SHF: variants seen among roughly 807,000 people sequenced by gnomAD.
SHF encodes SH2 domain-containing adapter protein F.
Under a neutral mutation model 42.4 loss-of-function variants are expected in SHF, and 30 were observed. The ratio of observed to expected loss-of-function variants is 0.71; its 90% CI spans 0.53 to 0.96. The LOEUF (loss-of-function observed/expected upper bound fraction) is 0.96, where lower values mean the gene tolerates loss of function less well. SHF is among the 40% of genes least tolerant of loss of function. The probability of loss-of-function intolerance (pLI) is 0.00; values close to 1 mark genes in which losing one functional copy is unlikely to be tolerated. For synonymous variants in SHF, 264 were observed against 269.9 expected, an observed-to-expected ratio of 0.98 and a Z score of 0.21; for missense variants, 598 against 634.0, an observed-to-expected ratio of 0.94 and a Z score of 0.61.
Position 45,187,808 on chromosome 15 carries a change from G to T in SHF, c.144C>A (p.Ala48=). The T allele has an allele frequency of 2.3e-6, 2 of 878,298 alleles. No individual in the cohort carries two copies. Among genetic ancestry groups the T allele is most frequent in the South Asian group, 5.3e-5 (1 of 18,840 alleles). 54.4% of individuals were successfully genotyped at this position (878,298 alleles called of 1,614,324 possible). The part of the protein sequence containing the change: ...GPGGGGSGGV[A]KWLREHLGFR... The stretch of plus-strand genomic sequence containing the variant: ...AGCCCAGGTGCTCCCGGAGCCACTT[G>T]GCTACTCCGCCGCTGCCGCCCCCTC... Residue 48 remains alanine, a synonymous_variant, in exon 1 of 7, where the codon GCC becomes GCA. Coordinates refer to ENST00000690270, the MANE Select transcript of SHF (RefSeq NM_001394037.1).
At chr15:45,188,197 A>G (rs1898575230), upstream of SHF, among the ~76,000 whole-genome samples, 2 of 152,140 alleles carry the variant, frequency 1.3e-5, no homozygotes, top group African/African-American at 2.4e-5. Context: ...GGATGCGACT[A>G]CTGGACTGAG....
At chr15:45,187,977 A>G (rs1252572948), upstream of SHF, 2 of 986,234 alleles carry the variant, frequency 2.0e-6, no homozygotes, top group South Asian at 5.1e-5. Flanking sequence ...GAGCGAGGGG[A>G]GCGCAGCGGC....
chr15:45,198,683 A>C, intron 2 of SHF: 1 of 1,498,702 alleles, frequency 6.7e-7, no homozygotes, highest in Non-Finnish European at 8.9e-7. Flanking sequence ...ACGGCGAGCT[A>C]CCGGGGACCC....
rs1482557425 is a variant in SHF at position 45,167,305 on chromosome 15, G to T, written c.*642C>A. 6.6e-6 allele frequency: 1 copy of T among 152,456 alleles called. No homozygotes were observed. Among genetic ancestry groups the T allele is most frequent in the Non-Finnish European group, 1.5e-5 (1 of 68,264 alleles). The allele number at this position is 152,456 out of a possible 1,614,324, so 9.4% of individuals were successfully genotyped here. On this transcript the variant is annotated 3_prime_UTR_variant, in exon 7 of 7. Coordinates refer to ENST00000690270, the MANE Select transcript of SHF (RefSeq NM_001394037.1). The stretch of plus-strand genomic sequence containing the variant: ...CCGCTCCCTCCCCCGTCAGCCCGGG[G>T]ACGGCGCCGGAGGCGCGGGCGCGGC...
rs778845238 is a variant in SHF, at chr15:45,172,315, T to C, written c.992A>G (p.Gln331Arg). ...GCAGCTCTTCTCCGGTCCTTCAAAC[T>C]GGGCTGTGGGGAACATATCAATCAT... ...PEPSLEDSSAQFEGPEKSCLS... is the reference protein window; with the variant it reads ...PEPSLEDSSARFEGPEKSCLS... Residue 331 changes from glutamine (Q) to arginine (R), a missense_variant, in exon 5 of 7, where the codon CAG (glutamine) becomes CGG (arginine). By Grantham distance (43) the Gln-to-Arg change is conservative (BLOSUM62 1). This residue lies in a region of SHF where 439 missense variants were observed against 524.6 expected (regional missense o/e 0.84). Coordinates refer to ENST00000690270, the MANE Select transcript of SHF (RefSeq NM_001394037.1). 8 of 1,597,646 alleles carry C rather than the reference T, an allele frequency of 5.0e-6. No individual in the cohort carries two copies. The highest frequency in any genetic ancestry group is 2.2e-5 in the East Asian group (1 of 44,804).
intron 1 of SHF, chr15:45,200,460 G>C (rs1304413825): frequency 3.4e-5 from 11 of 324,622 alleles, no homozygotes; most frequent in South Asian, 2.3e-4. Context: ...ACAACGCAGA[G>C]TACTAACCAC....
chr15:45,188,221 C>A (rs988615629), upstream of SHF, among the ~76,000 whole-genome samples: 3 of 152,272 alleles, frequency 2.0e-5, no homozygotes, highest in East Asian at 5.8e-4. Flanking sequence ...GAATCCTTTA[C>A]GTGTCGCCAC....
intron 1 of SHF, among the ~76,000 whole-genome samples, chr15:45,182,826 A>G (rs1331639094): frequency 6.6e-6 from 1 of 152,210 alleles, no homozygotes; most frequent in African/African-American, 2.4e-5. Context: ...CAAACTTTTT[A>G]TACCCATTGT....
upstream of SHF, among the ~76,000 whole-genome samples, chr15:45,188,247 G>T (rs1387105832): frequency 6.6e-6 from 1 of 152,190 alleles, no homozygotes; most frequent in Non-Finnish European, 1.5e-5. Context: ...CCCCTGTGGG[G>T]AGCGCATCCA....
chr15:45,170,244 G>C, intron 6 of SHF: 1 of 747,248 alleles, frequency 1.3e-6, no homozygotes, highest in Non-Finnish European at 1.8e-6. Context: ...TTATTACCGG[G>C]TGGCCTTGGG....
intron 2 of SHF, among the ~76,000 whole-genome samples, chr15:45,193,768 C>A (rs1487748414): frequency 1.3e-5 from 2 of 151,888 alleles, no homozygotes; most frequent in Non-Finnish European, 2.9e-5. Context: ...AGGCGAGTGG[C>A]CTTATGCAGG....
rs145838450 is a variant in SHF, at chr15:45,172,312, A to T, written c.995T>A (p.Phe332Tyr). Residue 332 changes from phenylalanine to tyrosine, a missense_variant, in exon 5 of 7, where the codon TTT becomes TAT. Around this residue, in one of 2 missense-constraint regions of SHF, gnomAD observed 439 missense variants for 524.6 expected, o/e 0.84. Transcript: ENST00000690270. ...EPSLEDSSAQ[F>Y]EGPEKSCLSP... is the part of the protein sequence containing the mutation. ...CAGGCAGCTCTTCTCCGGTCCTTCAAACTGGGCTGTGGGGAACATATCAAT... is the reference window on the plus strand; with the variant it reads ...CAGGCAGCTCTTCTCCGGTCCTTCATACTGGGCTGTGGGGAACATATCAAT... The T allele has an allele frequency of 1.4e-5, 22 of 1,600,958 alleles. No homozygotes were observed. The highest frequency in any genetic ancestry group is 1.8e-5 in the Non-Finnish European group (21 of 1,173,366).
In SHF at chr15:45,187,928, C is replaced by T. The variant is rs1898550300; in HGVS notation, c.24G>A (p.Pro8=). 4 of 1,140,048 alleles carry T rather than the reference C, an allele frequency of 3.5e-6. No homozygotes were observed. The highest frequency in any genetic ancestry group is 4.3e-6 in the Non-Finnish European group (4 of 930,312). The allele number at this position is 1,140,048 out of a possible 1,614,324, so 70.6% of individuals were successfully genotyped here. ...TTCGCGGCCCCGGGCGGGAGCCAGCCGGAGGAGCTCCGCTCAGTAACATGG... is the reference window on the plus strand; with the variant it reads ...TTCGCGGCCCCGGGCGGGAGCCAGCTGGAGGAGCTCCGCTCAGTAACATGG... MLLSGAP[P]AGSRPGPRTQ... The change falls in exon 1 of 7, where the codon CCG becomes CCA. Residue 8 remains proline (P), a synonymous_variant. Coordinates refer to ENST00000690270, the MANE Select transcript of SHF (RefSeq NM_001394037.1).
chr15:45,175,234 A>G lies in SHF; in HGVS notation c.832T>C (p.Ser278Pro). 2 of 1,610,070 alleles carry G rather than the reference A, an allele frequency of 1.2e-6. No individual in the cohort carries two copies. Among genetic ancestry groups the G allele is most frequent in the Non-Finnish European group, 1.7e-6 (2 of 1,178,862 alleles). Residue 278 changes from serine (S) to proline (P), a missense_variant, in exon 3 of 7, where the codon TCC becomes CCC. Coordinates refer to ENST00000690270, the MANE Select transcript of SHF (RefSeq NM_001394037.1). ...QPWEWKKERI[S>P]KAFAVDIKVI... ...CAGGACTCACCTGCAAAGGCTTTGG[A>G]AATCCGCTCCTTCTTCCACTCCCAG...
chr15:45,180,469 C>G (rs971897722), intron 1 of SHF, among the ~76,000 whole-genome samples: 2 of 152,244 alleles, frequency 1.3e-5, no homozygotes, highest in Non-Finnish European at 2.9e-5. Context: ...TCAACCAACA[C>G]GTTATCCATA....
chr15:45,192,532 T>G (rs898094279), upstream of SHF, among the ~76,000 whole-genome samples: 1 of 151,966 alleles, frequency 6.6e-6, no homozygotes, highest in African/African-American at 2.4e-5. Context: ...CATGCCCGGC[T>G]GATTTTAATT....
intron 2 of SHF, among the ~76,000 whole-genome samples, chr15:45,195,085 G>GCC (rs1429982044): frequency 1.3e-5 from 2 of 151,992 alleles, no homozygotes; most frequent in Non-Finnish European, 2.9e-5. Context: ...TCCTGCCTCG[G>GCC]CCTCCCAAAG....
chr15:45,177,631 C>G (rs751243311), intron 2 of SHF, among the ~76,000 whole-genome samples: 1 of 152,116 alleles, frequency 6.6e-6, no homozygotes, highest in African/African-American at 2.4e-5. Flanking sequence ...GCCTCAGGGC[C>G]GTGGCTTGGA....
At chr15:45,189,389 C>CTTTTT (rs11309833), upstream of SHF, among the ~76,000 whole-genome samples, 1 of 46,812 alleles carries the variant, frequency 2.1e-5, no homozygotes, top group African/African-American at 8.2e-5. Context: ...TCATGTCTGC[C>CTTTTT]TTTTTTTTTT....
Sources: gnomAD v4.1 joint callset for allele counts (sites outside exome capture counted in the v4.1 genomes callset) on GRCh38, gnomAD v4.1.1 for gene constraint, gnomAD v4.1.1 regional missense constraint, MANE v1.5 for transcripts, NCBI Gene and HGNC (gene_info 2026-07-23, HGNC 2026-07-21) for gene names.